PDE5A: variants seen among roughly 807,000 people sequenced by gnomAD.
PDE5A encodes the protein phosphodiesterase 5A.
Under a neutral mutation model 110.2 loss-of-function variants are expected in PDE5A, and 67 were observed. That is an observed-to-expected ratio of 0.61 (90% CI 0.50 to 0.75). The LOEUF (loss-of-function observed/expected upper bound fraction) is 0.75. PDE5A is among the 30% of genes least tolerant of loss of function. The pLI, the probability that PDE5A is intolerant of heterozygous loss-of-function variation, is 0.00. For synonymous variants in PDE5A, 328 were observed against 351.2 expected, an observed-to-expected ratio of 0.93 and a Z score of 0.74; for missense variants, 862 against 1,045.1, an observed-to-expected ratio of 0.82 and a Z score of 2.42.
chr4:119,614,531 G>A lies in PDE5A; in HGVS notation c.153-7234C>T, dbSNP rs369255751. On this transcript the variant is annotated intron_variant, in intron 1 of 20. Transcript: ENST00000354960. ...CTAGTAAGTTCCAGGCTATCAAATC[G>A]CTCATTTTATCATTGAGAGCGCACA... Among the ~76,000 whole-genome samples, 8 of 152,210 alleles carry A rather than the reference G, an allele frequency of 5.3e-5. No homozygotes were observed. The East Asian group carries it at 9.7e-4, about 18-fold the overall frequency.
At chr4:119,620,499 C>A (rs1430390633) in intron 1 of PDE5A, among the ~76,000 whole-genome samples, 1 of 152,114 alleles carries the variant, frequency 6.6e-6, no homozygotes, top group Non-Finnish European at 1.5e-5. Context: ...TGAAAGAAAA[C>A]AATAACTCAA....
chr4:119,628,450 G>A, intron 1 of PDE5A, 70 bp downstream of exon 1: 5 of 1,298,706 alleles, frequency 3.8e-6, no homozygotes, highest in Non-Finnish European at 5.4e-6. Context: ...TGGGAACAGG[G>A]GTGAACGAAG....
intron 3 of PDE5A, among the ~76,000 whole-genome samples, chr4:119,582,779 A>G (rs1044389436): frequency 6.6e-6 from 1 of 152,240 alleles, no homozygotes; most frequent in Non-Finnish European, 1.5e-5. Context: ...GACTAGGTGT[A>G]CTGTCACAGA....
At chr4:119,507,509 T>C in intron 16 of PDE5A, 95 bp downstream of exon 16, 1 of 824,964 alleles carries the variant, frequency 1.2e-6, no homozygotes, top group Non-Finnish European at 1.9e-6. Flanking sequence ...TGCCAGGACA[T>C]TTCTGCTTTG....
intron 9 of PDE5A, among the ~76,000 whole-genome samples, chr4:119,547,819 T>C (rs867626781): frequency 6.6e-5 from 10 of 152,198 alleles, no homozygotes; most frequent in Middle Eastern, 3.4e-3. Flanking sequence ...ATTCTGCTTT[T>C]CAGAAACGAC....
chr4:119,591,844 C>G (rs2110531644), intron 3 of PDE5A, among the ~76,000 whole-genome samples: 1 of 152,090 alleles, frequency 6.6e-6, no homozygotes, highest in East Asian at 1.9e-4. Flanking sequence ...GGAGGGTCAG[C>G]AAGATGTTTA....
In PDE5A at chr4:119,495,516, T is replaced by C. The variant is rs201324807; in HGVS notation, c.*3085A>G. On this transcript the variant is annotated 3_prime_UTR_variant, in exon 21 of 21. Transcript: ENST00000354960. ...ATCTGGTGAAAAACACAGAAAAAAA[T>C]TGTAGATCAAATTGGAACAGGTCTA... The C allele has an allele frequency of 2.0e-5, 3 of 152,494 alleles. No individual in the cohort carries two copies. The South Asian group carries it at 6.2e-4, about 32-fold the overall frequency. 9.4% of individuals were successfully genotyped at this position (152,494 alleles called of 1,614,324 possible).
intron 2 of PDE5A, among the ~76,000 whole-genome samples, chr4:119,600,730 G>A (rs1414187312): frequency 6.6e-6 from 1 of 152,150 alleles, no homozygotes; most frequent in Non-Finnish European, 1.5e-5. Context: ...GAATGAAGGA[G>A]AAGGCAAAAC....
At chr4:119,611,638 T>G (rs191408928) in intron 1 of PDE5A, among the ~76,000 whole-genome samples, 25 of 152,346 alleles carry the variant, frequency 1.6e-4, no homozygotes, top group African/African-American at 5.3e-4. Context: ...TCTATTTGTC[T>G]CATAAATGTT....
intron 3 of PDE5A, among the ~76,000 whole-genome samples, chr4:119,583,484 TGG>T (rs370761939): frequency 0.072 from 10,908 of 152,242 alleles, 536 homozygotes; most frequent in Non-Finnish European, 0.1. Flanking sequence ...TTCATTGGAG[TGG>T]CACTTACAGT....
At chr4:119,610,618 A>T (rs1203601294) in intron 1 of PDE5A, among the ~76,000 whole-genome samples, 1 of 152,148 alleles carries the variant, frequency 6.6e-6, no homozygotes, top group African/African-American at 2.4e-5. Flanking sequence ...ACCTTGCCTC[A>T]TCTTACTTCC....
intron 3 of PDE5A, among the ~76,000 whole-genome samples, chr4:119,572,701 C>A (rs1477832212): frequency 6.6e-6 from 1 of 152,152 alleles, no homozygotes; most frequent in African/African-American, 2.4e-5. Context: ...GTCTACCCCC[C>A]AAATTTCAGA....
chr4:119,547,864 C>A (rs1001320485), intron 9 of PDE5A, among the ~76,000 whole-genome samples: 3 of 151,906 alleles, frequency 2.0e-5, no homozygotes, highest in Admixed American at 6.6e-5. Context: ...TATTTGATTT[C>A]TGACATATAT....
Position 119,507,609 on chromosome 4 carries a change from G to T in PDE5A, c.2184C>A (p.Tyr728Ter). 2 of 1,554,728 alleles carry T rather than the reference G, an allele frequency of 1.3e-6. No individual in the cohort carries two copies. The highest frequency in any genetic ancestry group is 1.7e-6 in the Non-Finnish European group (2 of 1,146,984). Residue 728 changes from tyrosine (Y) to a stop codon, truncating the protein, a stop_gained, in exon 16 of 21, where the codon TAC (tyrosine) becomes TAA (stop). Coordinates refer to ENST00000354960, the MANE Select transcript of PDE5A (RefSeq NM_001083.4). LOFTEE classifies it high-confidence loss of function. ...QAILATDLAL[Y>*]IKRRGEFFEL... The stretch of plus-strand genomic sequence containing the variant: ...GGTTATTTCTTAAAACTTACTTAAT[G>T]TACAGTGCTAGGTCTGTAGCTAAAA...
intron 12 of PDE5A, among the ~76,000 whole-genome samples, chr4:119,522,095 G>A (rs912875092): frequency 1.3e-5 from 2 of 152,012 alleles, no homozygotes; most frequent in African/African-American, 4.8e-5. Context: ...CTTCATTGTC[G>A]GTAGAAACTG....
chr4:119,567,220 T>C (rs1727973759), intron 3 of PDE5A, 76 bp from the exon 4 acceptor site: 1 of 1,081,928 alleles, frequency 9.2e-7, no homozygotes, highest in Admixed American at 1.8e-5. Flanking sequence ...AATGTATTTA[T>C]AGAAGATATC....
chr4:119,558,883 C>T (rs1454706327), intron 7 of PDE5A, among the ~76,000 whole-genome samples: 1 of 141,430 alleles, frequency 7.1e-6, no homozygotes, highest in African/African-American at 2.7e-5. Flanking sequence ...CGCCACTGCA[C>T]TCCAGCCTGG....
At chr4:119,545,683 T>C (rs994150584) in intron 9 of PDE5A, among the ~76,000 whole-genome samples, 1 of 152,156 alleles carries the variant, frequency 6.6e-6, no homozygotes, top group African/African-American at 2.4e-5. Flanking sequence ...CTTCTAAAAT[T>C]AAACAGTTAT....
intron 2 of PDE5A, among the ~76,000 whole-genome samples, chr4:119,600,883 T>C (rs2389870): frequency 0.17 from 26,073 of 152,122 alleles, 2,339 homozygotes; most frequent in Middle Eastern, 0.21. Context: ...ATGATACTTA[T>C]TAATTACAAT....
Sources: gnomAD v4.1 joint callset for allele counts (sites outside exome capture counted in the v4.1 genomes callset) on GRCh38, gnomAD v4.1.1 for gene constraint, MANE v1.5 for transcripts, NCBI Gene and HGNC (gene_info 2026-07-23, HGNC 2026-07-21) for gene names.